The following ADK variants were observed in gnomAD, a reference collection of about 807,000 sequenced individuals.
ADK encodes adenosine kinase.
Under a neutral mutation model 44.7 loss-of-function variants are expected in ADK, and 24 were observed. That is an observed-to-expected ratio of 0.54 (90% CI 0.39 to 0.76). The LOEUF is 0.76. ADK is among the 30% of genes least tolerant of loss of function. The pLI, the probability that ADK is intolerant of heterozygous loss-of-function variation, is 0.00. For missense variants in ADK, 321 were observed against 425.1 expected (o/e 0.76, Z 2.15); for synonymous variants, 128 against 142.6 (o/e 0.90, Z 0.73).
chr10:74,589,180 A>G (rs1410189716), intron 7 of ADK, 102 bp from the exon 8 acceptor site: 1 of 1,013,432 alleles, frequency 9.9e-7, no homozygotes, highest in Non-Finnish European at 1.5e-6. Flanking sequence ...GTATATTGAG[A>G]TAATTGTGTA....
chr10:74,617,247 T>C (rs764822567), intron 9 of ADK, among the ~76,000 whole-genome samples: 28 of 152,206 alleles, frequency 1.8e-4, no homozygotes, highest in Non-Finnish European at 4.0e-4. Context: ...CTTTGTCTTA[T>C]TCCCGATATC....
intron 6 of ADK, among the ~76,000 whole-genome samples, chr10:74,443,329 G>A (rs934495652): frequency 6.6e-6 from 1 of 152,108 alleles, no homozygotes; most frequent in African/African-American, 2.4e-5. Context: ...AAAGAAAAAT[G>A]TATTATATCC....
intron 4 of ADK, among the ~76,000 whole-genome samples, chr10:74,364,617 T>C (rs964239732): frequency 4.6e-5 from 7 of 152,198 alleles, no homozygotes; most frequent in African/African-American, 4.8e-5. Flanking sequence ...TTTCCACAGC[T>C]GGCAATTCCT....
At chr10:74,216,886 G>A (rs1295581247) in intron 2 of ADK, among the ~76,000 whole-genome samples, 2 of 152,138 alleles carry the variant, frequency 1.3e-5, no homozygotes, top group East Asian at 3.9e-4. Flanking sequence ...AAAGTGAGAG[G>A]AGCCCAGATG....
intron 6 of ADK, among the ~76,000 whole-genome samples, chr10:74,471,328 C>A (rs1463041491): frequency 6.6e-6 from 1 of 152,154 alleles, no homozygotes; most frequent in Non-Finnish European, 1.5e-5. Flanking sequence ...CCTGCCTCAG[C>A]CTCCCAAAGT....
chr10:74,224,395 C>A (rs1844444626), intron 2 of ADK, 143 bp from the exon 3 acceptor site: 16 of 693,130 alleles, frequency 2.3e-5, no homozygotes, highest in South Asian at 3.1e-5. Context: ...CAGCAAAAAA[C>A]CGTCTACTTG....
chr10:74,306,143 A>T (rs901242669), intron 3 of ADK, among the ~76,000 whole-genome samples: 2 of 151,534 alleles, frequency 1.3e-5, no homozygotes, highest in African/African-American at 2.4e-5. Flanking sequence ...TTCATTTTTT[A>T]AAAAAATCCT....
intron 9 of ADK, among the ~76,000 whole-genome samples, chr10:74,639,900 T>A (rs1853780764): frequency 6.6e-6 from 1 of 152,152 alleles, no homozygotes; most frequent in African/African-American, 2.4e-5. Flanking sequence ...AGAGTGAGTA[T>A]GCCAGTGTGC....
chr10:74,661,829 A>T (rs926895934), intron 9 of ADK, among the ~76,000 whole-genome samples: 1 of 152,174 alleles, frequency 6.6e-6, no homozygotes, highest in African/African-American at 2.4e-5. Flanking sequence ...ACATTGTGTG[A>T]TATTTCACAA....
intron 4 of ADK, among the ~76,000 whole-genome samples, chr10:74,321,193 C>G (rs1840796244): frequency 6.6e-6 from 1 of 152,138 alleles, no homozygotes; most frequent in African/African-American, 2.4e-5. Context: ...TAAATACCAT[C>G]TTATCCTTTG....
intron 7 of ADK, among the ~76,000 whole-genome samples, chr10:74,571,219 T>G (rs1459165685): frequency 7.9e-5 from 12 of 151,012 alleles, no homozygotes; most frequent in African/African-American, 2.4e-4. Context: ...TTTGCATTGA[T>G]GTTCATCAAG....
intron 6 of ADK, among the ~76,000 whole-genome samples, chr10:74,483,603 T>G (rs1847153928): frequency 1.3e-5 from 2 of 152,218 alleles, no homozygotes. Context: ...CCCTTTTAAA[T>G]ATAAGTTCCA....
chr10:74,438,285 C>T (rs370156930), intron 6 of ADK, among the ~76,000 whole-genome samples: 9 of 151,274 alleles, frequency 5.9e-5, no homozygotes, highest in South Asian at 4.2e-4. Context: ...AGTGCAATGA[C>T]GCCATCTCGG....
rs138894430 is a variant in ADK at position 74,168,565 on chromosome 10, A to G, written c.65+17222A>G. On this transcript the variant is annotated intron_variant, in intron 1 of 10. Coordinates refer to ENST00000539909, the MANE Select transcript of ADK (RefSeq NM_006721.4). ...AAAAAAAAAAAAGAAAGAAAGAAAA[A>G]AAAGATTGTGAAGTATCATAGATCA... Among the ~76,000 whole-genome samples, 31 of 151,590 alleles carry G rather than the reference A, an allele frequency of 2.0e-4. No individual in the cohort carries two copies. The East Asian group carries it at 6.1e-3, about 30-fold the overall frequency.
chr10:74,412,663 C>T (rs565721836), intron 6 of ADK, among the ~76,000 whole-genome samples: 7 of 152,142 alleles, frequency 4.6e-5, no homozygotes, highest in Non-Finnish European at 1.0e-4. Flanking sequence ...TATACGTCTC[C>T]ATCAGAGCCC....
chr10:74,489,882 G>T (rs943323834), intron 6 of ADK, among the ~76,000 whole-genome samples: 3 of 151,944 alleles, frequency 2.0e-5, no homozygotes, highest in African/African-American at 7.2e-5. Context: ...AAAAACTTGT[G>T]TAAGTAGGAA....
chr10:74,293,493 A>G (rs896496424), intron 3 of ADK, among the ~76,000 whole-genome samples: 2 of 152,108 alleles, frequency 1.3e-5, no homozygotes, highest in Non-Finnish European at 2.9e-5. Flanking sequence ...TACTCTCTTA[A>G]CTTGTTATTG....
chr10:74,667,991 A>G (rs1270187011), intron 9 of ADK, among the ~76,000 whole-genome samples: 1 of 152,194 alleles, frequency 6.6e-6, no homozygotes. Context: ...TACTATTTAT[A>G]TATAATTATT....
intron 3 of ADK, among the ~76,000 whole-genome samples, chr10:74,267,465 T>A (rs910000122): frequency 2.6e-5 from 4 of 151,158 alleles, no homozygotes; most frequent in Non-Finnish European, 5.9e-5. Context: ...TCCTGTTACA[T>A]TTTTTTTTAA....
Sources: gnomAD v4.1 joint callset for allele counts (sites outside exome capture counted in the v4.1 genomes callset) on GRCh38, gnomAD v4.1.1 for gene constraint, MANE v1.5 for transcripts, NCBI Gene and HGNC (gene_info 2026-07-23, HGNC 2026-07-21) for gene names.